The following PRDM15 variants were observed in gnomAD, a reference collection of about 807,000 sequenced individuals.
PRDM15 encodes the protein PR domain zinc finger protein 15.
Under a neutral mutation model 128.6 loss-of-function variants are expected in PRDM15, and 64 were observed. The observed-to-expected ratio is 0.50, with a 90% CI of 0.41 to 0.61. The LOEUF (loss-of-function observed/expected upper bound fraction) is 0.61. Ranked by LOEUF, PRDM15 falls within the 20% of genes least tolerant of loss-of-function variation. The probability of loss-of-function intolerance (pLI) is 0.00; values close to 1 mark genes in which losing one functional copy is unlikely to be tolerated. For synonymous variants in PRDM15, 615 were observed against 621.8 expected (o/e 0.99, Z 0.16); for missense variants, 1,242 against 1,569.1 (o/e 0.79, Z 3.52).
intron 4 of PRDM15, 114 bp downstream of exon 4, chr21:41,857,062 G>C: frequency 1.0e-6 from 1 of 953,484 alleles, no homozygotes; most frequent in Non-Finnish European, 1.6e-6. Context: ...ATTTGGAGCT[G>C]TTTTTGAGGC....
intron 21 of PRDM15, among the ~76,000 whole-genome samples, chr21:41,805,362 G>C (rs542607137): frequency 6.6e-6 from 1 of 152,318 alleles, no homozygotes; most frequent in African/African-American, 2.4e-5. Context: ...CTGCCTGTAA[G>C]GGTGCTTCAC....
At position 41,868,688 on chromosome 21, in the gene PRDM15, CTTTTTCTTTTTT is replaced by C. The variant is rs2064102421; in HGVS notation, c.-9-8328_-9-8317del. Among the ~76,000 whole-genome samples the C allele has an allele frequency of 8.0e-5, 8 of 100,046 alleles. No individual in the cohort carries two copies. The South Asian group carries it at 2.7e-3, about 33-fold the overall frequency. The allele number at this position is 100,046 out of a possible 152,430, so 65.6% of individuals were successfully genotyped here. A position where few individuals can be genotyped will look rare whatever the true frequency, so the allele number is the denominator to read the frequency against. On this transcript the variant is annotated intron_variant, in intron 1 of 23. Coordinates refer to ENST00000398548, the MANE Select transcript of PRDM15 (RefSeq NM_001040424.3). ...GCATCTTTTGCCCATTTTCCTTTTT[CTTTTTCTTTTTT>C]TTTTTTTTTTGAGATGGAGTCTCCC...
intron 1 of PRDM15, chr21:41,871,414 A>C: frequency 1.5e-6 from 2 of 1,310,494 alleles, no homozygotes; most frequent in Non-Finnish European, 2.0e-6. Context: ...GTCCCTCTTA[A>C]GCAGCAGCTG....
chr21:41,834,220 G>C (rs1295879857), intron 11 of PRDM15, among the ~76,000 whole-genome samples: 1 of 136,844 alleles, frequency 7.3e-6, no homozygotes, highest in African/African-American at 2.7e-5. Flanking sequence ...CCAGGAAGAA[G>C]GCATCAGGGA....
intron 1 of PRDM15, among the ~76,000 whole-genome samples, chr21:41,869,635 G>C (rs556922183): frequency 6.6e-6 from 1 of 151,994 alleles, no homozygotes; most frequent in African/African-American, 2.4e-5. Flanking sequence ...TAGTAGAGAC[G>C]GGGTTTCTCC....
intron 8 of PRDM15, among the ~76,000 whole-genome samples, chr21:41,837,185 T>C (rs1418132071): frequency 6.6e-6 from 1 of 152,142 alleles, no homozygotes; most frequent in Non-Finnish European, 1.5e-5. Context: ...ACCAACTTAC[T>C]CAACTCCATG....
At chr21:41,803,647 G>A (rs1489033073) in intron 22 of PRDM15, among the ~76,000 whole-genome samples, 1 of 152,138 alleles carries the variant, frequency 6.6e-6, no homozygotes, top group Non-Finnish European at 1.5e-5. Flanking sequence ...ATGGTGGGAC[G>A]ACCCGTCCCC....
chr21:41,865,290 C>G (rs542892919), intron 1 of PRDM15, among the ~76,000 whole-genome samples: 2 of 152,192 alleles, frequency 1.3e-5, no homozygotes, highest in Admixed American at 6.5e-5. Context: ...GGCATGCTTT[C>G]TAAAAGCGCT....
At chr21:41,841,753 TG>T (rs1215319139) in intron 6 of PRDM15, among the ~76,000 whole-genome samples, 1 of 152,244 alleles carries the variant, frequency 6.6e-6, no homozygotes, top group Non-Finnish European at 1.5e-5. Flanking sequence ...AAATCAATTG[TG>T]TTAACTGTGT....
chr21:41,871,801 C>T, intron 1 of PRDM15: 1 of 625,238 alleles, frequency 1.6e-6, no homozygotes, highest in Non-Finnish European at 2.7e-6. Flanking sequence ...ATCACCTCTC[C>T]AGCACCCAGG....
intron 1 of PRDM15, chr21:41,871,476 C>A: frequency 6.3e-7 from 1 of 1,578,858 alleles, no homozygotes; most frequent in Non-Finnish European, 8.6e-7. Flanking sequence ...CCTTCCTCCC[C>A]TACTGGAGTG....
At chr21:41,849,861 G>A (rs960069569) in intron 5 of PRDM15, among the ~76,000 whole-genome samples, 2 of 152,154 alleles carry the variant, frequency 1.3e-5, no homozygotes, top group Non-Finnish European at 2.9e-5. Flanking sequence ...TGCTTGAACC[G>A]GGAGGTAGAG....
intron 1 of PRDM15, chr21:41,867,262 G>C (rs746222005): frequency 3.3e-6 from 5 of 1,521,450 alleles, no homozygotes; most frequent in African/African-American, 1.4e-5. Context: ...AACACCAAAA[G>C]GAGTTAAGAT....
rs376196876 is a variant in PRDM15 at position 41,801,609 on chromosome 21, G to A, written c.3057C>T (p.Leu1019=). The A allele has an allele frequency of 6.2e-7, 1 of 1,614,206 alleles. No homozygotes were observed. Among genetic ancestry groups the A allele is most frequent in the African/African-American group, 1.3e-5 (1 of 75,032 alleles). Residue 1019 remains leucine, a synonymous_variant, in exon 24 of 24, where the codon CTC becomes CTT. Transcript: ENST00000398548. ...TTAAATQFTN[L]QPVAVGHLTT... ...TAAGGTGCCCCACGGCCACCGGCTG[G>A]AGATTGGTAAACTGAGTCGCGGCCG...
intron 12 of PRDM15, among the ~76,000 whole-genome samples, chr21:41,827,203 T>C (rs1355576075): frequency 1.3e-5 from 2 of 152,126 alleles, no homozygotes; most frequent in Non-Finnish European, 2.9e-5. Flanking sequence ...AAGAAAAACG[T>C]TGTCGGTCTT....
Position 41,879,320 on chromosome 21 carries a change from T to C in PRDM15, c.-60A>G. ...ATCGGATCCGGACTCCGGGTTGCGATCCGCTCCGGAAACTGCGCAGCACCG... is the reference window on the plus strand; with the variant it reads ...ATCGGATCCGGACTCCGGGTTGCGACCCGCTCCGGAAACTGCGCAGCACCG... On this transcript the variant is annotated 5_prime_UTR_variant, in exon 1 of 24. Transcript: ENST00000398548. The surrounding 1 kb of genome is among the most constrained non-coding windows in gnomAD (Gnocchi z 5.1). The C allele has an allele frequency of 9.2e-7, 1 of 1,092,840 alleles. No homozygotes were observed. The allele number at this position is 1,092,840 out of a possible 1,614,324, so 67.7% of individuals were successfully genotyped here. A position where few individuals can be genotyped will look rare whatever the true frequency, so the allele number is the denominator to read the frequency against.
intron 8 of PRDM15, 62 bp downstream of exon 8, chr21:41,837,872 G>A (rs1218492220): frequency 1.3e-6 from 2 of 1,593,842 alleles, no homozygotes; most frequent in Non-Finnish European, 1.7e-6. Flanking sequence ...CCTCCAGAAT[G>A]GCCTGGCTGC....
chr21:41,863,901 T>G (rs1252297046), intron 1 of PRDM15, among the ~76,000 whole-genome samples: 2 of 151,812 alleles, frequency 1.3e-5, no homozygotes, highest in Non-Finnish European at 2.9e-5. Context: ...TGGAGTGCAG[T>G]GGCGCGATCT....
chr21:41,878,001 G>A (rs768147014), intron 1 of PRDM15, among the ~76,000 whole-genome samples: 1 of 152,270 alleles, frequency 6.6e-6, no homozygotes, highest in African/African-American at 2.4e-5. Flanking sequence ...TGGAACACGT[G>A]AAAATGTCCG....
Sources: gnomAD v4.1 joint callset for allele counts (sites outside exome capture counted in the v4.1 genomes callset) on GRCh38, gnomAD v4.1.1 for gene constraint, Gnocchi (gnomAD v3.1) non-coding constraint, MANE v1.5 for transcripts, NCBI Gene and HGNC (gene_info 2026-07-23, HGNC 2026-07-21) for gene names.